The following ATAD2B variants were observed in gnomAD, a reference collection of about 807,000 sequenced individuals.
The protein encoded by ATAD2B is ATPase family AAA domain-containing protein 2B.
ATAD2B carries 40 observed loss-of-function variants against 167.6 expected under a neutral mutation model. The ratio of observed to expected loss-of-function variants is 0.24; its 90% CI spans 0.19 to 0.31. ATAD2B has a LOEUF of 0.31. Ranked by LOEUF, ATAD2B falls within the 10% of genes least tolerant of loss-of-function variation. The pLI is 1.00. For synonymous variants in ATAD2B, 579 were observed against 596.5 expected, an observed-to-expected ratio of 0.97 and a Z score of 0.43; for missense variants, 1,242 against 1,757.2, an observed-to-expected ratio of 0.71 and a Z score of 5.24.
Position 23,750,214 on chromosome 2 carries a change from C to T in ATAD2B, c.*1832G>A, listed in dbSNP as rs1675204444. On this transcript the variant is annotated 3_prime_UTR_variant, in exon 28 of 28. Transcript: ENST00000238789. ...TTCATCGTTAATCGCACTTGCCCAC[C>T]TTAAAAATACAGTGTGTCTACATGG... The T allele has an allele frequency of 6.6e-6, 1 of 152,026 alleles. No homozygotes were observed. The highest frequency in any genetic ancestry group is 1.5e-5 in the Non-Finnish European group (1 of 67,982). 9.4% of individuals were successfully genotyped at this position (152,026 alleles called of 1,614,324 possible).
chr2:23,851,132 T>C (rs1180585798), intron 13 of ATAD2B, among the ~76,000 whole-genome samples: 1 of 152,190 alleles, frequency 6.6e-6, no homozygotes, highest in Non-Finnish European at 1.5e-5. Flanking sequence ...ATTTCTAAGC[T>C]ACCCAGTTTT....
At chr2:23,848,798 C>T (rs1403956061) in intron 13 of ATAD2B, among the ~76,000 whole-genome samples, 2 of 151,928 alleles carry the variant, frequency 1.3e-5, no homozygotes, top group African/African-American at 4.8e-5. Flanking sequence ...TAAACCTAAC[C>T]ATATCAATAA....
chr2:23,762,470 C>A, intron 23 of ATAD2B, 124 bp from the exon 24 acceptor site: 1 of 870,838 alleles, frequency 1.1e-6, no homozygotes, highest in South Asian at 2.5e-5. Flanking sequence ...GGGCAGTTTG[C>A]AGTTCCAATG....
the ATAD2B span, among the ~76,000 whole-genome samples, chr2:23,702,077 C>T: frequency 3.2e-4 from 49 of 152,150 alleles, no homozygotes; most frequent in South Asian, 0.01. Context: ...CCCACCTCGG[C>T]CTCCCAAAGT....
chr2:23,795,481 A>T (rs1682454960), intron 19 of ATAD2B, among the ~76,000 whole-genome samples: 1 of 152,132 alleles, frequency 6.6e-6, no homozygotes, highest in African/African-American at 2.4e-5. Flanking sequence ...CAACTTGCTA[A>T]CCTACAGCTA....
At chr2:23,795,350 C>T (rs550822221) in intron 19 of ATAD2B, among the ~76,000 whole-genome samples, 5 of 152,068 alleles carry the variant, frequency 3.3e-5, no homozygotes, top group Non-Finnish European at 7.4e-5. Context: ...TTTTGAGACA[C>T]GGCCTCACTC....
the ATAD2B span, among the ~76,000 whole-genome samples, chr2:23,720,035 T>C: frequency 4.6e-5 from 7 of 152,070 alleles, no homozygotes; most frequent in African/African-American, 9.7e-5. Context: ...TCTCCAATCA[T>C]TTACTAGGGC....
chr2:23,689,957 C>A, the ATAD2B span: 1 of 152,344 alleles, frequency 6.6e-6, no homozygotes, highest in Non-Finnish European at 1.5e-5. Flanking sequence ...TCTGTGGAGT[C>A]CACACCTTGC....
rs760804844 is a variant in ATAD2B, at chr2:23,788,572, A to G, written c.2716T>C (p.Phe906Leu). ...QRPIEEDRRK[F>L]FQELILNQAS... The stretch of plus-strand genomic sequence containing the variant: ...TGATTGAGAATCAATTCTTGAAAAA[A>G]TTTTCTTCTGTCTTCTTCAATAGGC... Residue 906 changes from phenylalanine to leucine, a missense_variant, in exon 20 of 28, where the codon TTT becomes CTT. Around this residue, in one of 9 missense-constraint regions of ATAD2B, gnomAD observed 204 missense variants for 324.0 expected, o/e 0.63. Coordinates refer to ENST00000238789, the MANE Select transcript of ATAD2B (RefSeq NM_017552.4). The G allele has an allele frequency of 6.2e-7, 1 of 1,612,648 alleles. No individual in the cohort carries two copies. Among genetic ancestry groups the G allele is most frequent in the South Asian group, 1.1e-5 (1 of 91,018 alleles).
chr2:23,862,115 T>C (rs79064893), intron 12 of ATAD2B, among the ~76,000 whole-genome samples: 9,797 of 151,928 alleles, frequency 0.064, 401 homozygotes, highest in African/African-American at 0.12. Context: ...GAAGATCACT[T>C]GAGTCCAGGA....
At chr2:23,898,089 C>A (rs1287225408) in intron 1 of ATAD2B, among the ~76,000 whole-genome samples, 3 of 152,124 alleles carry the variant, frequency 2.0e-5, no homozygotes, top group African/African-American at 4.8e-5. Flanking sequence ...GGACTACAGG[C>A]ACCTGCCATC....
At chr2:23,747,789 A>G (rs1321306823), downstream of ATAD2B, among the ~76,000 whole-genome samples, 2 of 152,152 alleles carry the variant, frequency 1.3e-5, no homozygotes, top group African/African-American at 4.8e-5. Context: ...GGGAATGTAT[A>G]TATTTTTAAA....
the ATAD2B span, among the ~76,000 whole-genome samples, chr2:23,704,129 A>G: frequency 6.6e-6 from 1 of 152,192 alleles, no homozygotes; most frequent in Non-Finnish European, 1.5e-5. Context: ...CATCAAGGCT[A>G]CCCTGCTCTC....
At chr2:23,753,669 C>A (rs1194116299) in intron 27 of ATAD2B, among the ~76,000 whole-genome samples, 1 of 152,114 alleles carries the variant, frequency 6.6e-6, no homozygotes, top group Non-Finnish European at 1.5e-5. Context: ...ACAGTCGCTC[C>A]TTCATATGGC....
the ATAD2B span, among the ~76,000 whole-genome samples, chr2:23,716,048 T>G: frequency 6.6e-5 from 10 of 152,220 alleles, no homozygotes; most frequent in African/African-American, 1.9e-4. Context: ...TTGCACTCAT[T>G]AAAATGCTAA....
At chr2:23,914,858 A>AACTCTCAT (rs992635287) in intron 1 of ATAD2B, among the ~76,000 whole-genome samples, 1 of 151,132 alleles carries the variant, frequency 6.6e-6, no homozygotes, top group Non-Finnish European at 1.5e-5. Flanking sequence ...AAAAAAAAAG[A>AACTCTCAT]ACTCTCATAC....
intron 1 of ATAD2B, among the ~76,000 whole-genome samples, chr2:23,915,466 A>T (rs1330164659): frequency 6.7e-6 from 1 of 149,686 alleles, no homozygotes; most frequent in Non-Finnish European, 1.5e-5. Flanking sequence ...AATCCAACTC[A>T]CTATTTAAAA....
the ATAD2B span, among the ~76,000 whole-genome samples, chr2:23,714,240 T>TA: frequency 8.1e-6 from 1 of 123,396 alleles, no homozygotes; most frequent in Admixed American, 8.5e-5. Flanking sequence ...CTCAAAATAC[T>TA]TTTTTTTTTT....
intron 1 of ATAD2B, among the ~76,000 whole-genome samples, chr2:23,918,664 GT>G (rs1703436842): frequency 6.6e-6 from 1 of 152,104 alleles, no homozygotes; most frequent in South Asian, 2.1e-4. Context: ...GCAGGTAAAA[GT>G]TGTCTATAAA....
Sources: gnomAD v4.1 joint callset for allele counts (sites outside exome capture counted in the v4.1 genomes callset) on GRCh38, gnomAD v4.1.1 for gene constraint, gnomAD v4.1.1 regional missense constraint, MANE v1.5 for transcripts, NCBI Gene and HGNC (gene_info 2026-07-23, HGNC 2026-07-21) for gene names.